Variants in RANBP17 observed in about 807,000 individuals in gnomAD.
RANBP17 encodes the protein ran-binding protein 17.
Under a neutral mutation model 141.2 loss-of-function variants are expected in RANBP17, and 158 were observed. That is an observed-to-expected ratio of 1.12 (90% CI 0.98 to 1.28). RANBP17 has a LOEUF of 1.28. Among genes scored for constraint, RANBP17 ranks in the 50% most tolerant of loss-of-function variants. RANBP17 has a pLI of 0.00. For synonymous variants in RANBP17, 430 were observed against 450.0 expected, an observed-to-expected ratio of 0.96 and a Z score of 0.56; for missense variants, 1,438 against 1,290.7, an observed-to-expected ratio of 1.11 and a Z score of -1.75.
At chr5:171,022,446 C>T (rs1780933291) in intron 14 of RANBP17, among the ~76,000 whole-genome samples, 1 of 152,238 alleles carries the variant, frequency 6.6e-6, no homozygotes, top group African/African-American at 2.4e-5. Context: ...CCGCTAGGGG[C>T]TCAGGCCCAG....
chr5:171,067,800 A>C (rs1226380695), intron 14 of RANBP17, among the ~76,000 whole-genome samples: 1 of 151,986 alleles, frequency 6.6e-6, no homozygotes, highest in Non-Finnish European at 1.5e-5. Flanking sequence ...ATTCTTACTC[A>C]CTACTTTGAA....
At chr5:170,874,115 CG>C (rs1254692624) in intron 1 of RANBP17, among the ~76,000 whole-genome samples, 1 of 152,088 alleles carries the variant, frequency 6.6e-6, no homozygotes, top group African/African-American at 2.4e-5. Flanking sequence ...AGGAGTCATT[CG>C]GGAGCAAGGT....
chr5:171,193,900 A>G (rs1242737855), intron 18 of RANBP17, among the ~76,000 whole-genome samples: 1 of 152,230 alleles, frequency 6.6e-6, no homozygotes. Flanking sequence ...TACAGGTTCC[A>G]AGAATTAGAA....
chr5:171,013,775 A>G (rs1230011017), intron 14 of RANBP17, among the ~76,000 whole-genome samples: 5 of 152,148 alleles, frequency 3.3e-5, no homozygotes, highest in Non-Finnish European at 7.4e-5. Context: ...TTTTAGAATT[A>G]ACACATGCAT....
intron 13 of RANBP17, among the ~76,000 whole-genome samples, chr5:170,956,212 T>C (rs1775680036): frequency 6.6e-6 from 1 of 152,030 alleles, no homozygotes; most frequent in African/African-American, 2.4e-5. Flanking sequence ...TTTCATACTT[T>C]TCCATTGATC....
At chr5:171,082,337 T>C (rs1349537050) in intron 14 of RANBP17, among the ~76,000 whole-genome samples, 1 of 152,136 alleles carries the variant, frequency 6.6e-6, no homozygotes, top group African/African-American at 2.4e-5. Context: ...AGTTTTCAGG[T>C]ACATGAGGAT....
At chr5:170,964,471 T>C (rs918435581) in intron 13 of RANBP17, among the ~76,000 whole-genome samples, 1 of 152,134 alleles carries the variant, frequency 6.6e-6, no homozygotes, top group African/African-American at 2.4e-5. Flanking sequence ...TATGTATACA[T>C]GTACCATGCT....
chr5:171,226,485 T>A (rs1763885716), intron 22 of RANBP17, among the ~76,000 whole-genome samples: 1 of 152,212 alleles, frequency 6.6e-6, no homozygotes, highest in African/African-American at 2.4e-5. Context: ...TACATCAGGA[T>A]CCTTTTAAGC....
intron 14 of RANBP17, among the ~76,000 whole-genome samples, chr5:170,979,012 G>A (rs1240298780): frequency 1.3e-5 from 2 of 152,014 alleles, no homozygotes; most frequent in Admixed American, 1.3e-4. Context: ...GTTTATTTTT[G>A]GGTAACTCTA....
chr5:171,140,034 A>G (rs953273836), intron 14 of RANBP17, among the ~76,000 whole-genome samples: 4 of 152,178 alleles, frequency 2.6e-5, no homozygotes, highest in Non-Finnish European at 5.9e-5. Flanking sequence ...TTCTTCAGTC[A>G]GGAACATTCT....
At chr5:171,097,319 A>G (rs1326505871) in intron 14 of RANBP17, among the ~76,000 whole-genome samples, 2 of 152,112 alleles carry the variant, frequency 1.3e-5, no homozygotes, top group African/African-American at 4.8e-5. Flanking sequence ...GTGGTCACTG[A>G]GTGCTTCTTA....
At chr5:171,157,621 T>G (rs1383839090) in intron 14 of RANBP17, among the ~76,000 whole-genome samples, 1 of 152,222 alleles carries the variant, frequency 6.6e-6, no homozygotes. Flanking sequence ...TGAATTGCCT[T>G]AGAAAATAAT....
intron 13 of RANBP17, among the ~76,000 whole-genome samples, chr5:170,966,925 G>A (rs901469274): frequency 6.6e-6 from 1 of 152,088 alleles, no homozygotes. Context: ...TCCAAATCAT[G>A]AGTGAACTCC....
chr5:170,964,066 T>C (rs933779258), intron 13 of RANBP17, among the ~76,000 whole-genome samples: 4 of 152,210 alleles, frequency 2.6e-5, no homozygotes, highest in Admixed American at 6.5e-5. Context: ...CCAGAAATTC[T>C]AATTTTCTGT....
At chr5:171,095,481 G>T (rs948954119) in intron 14 of RANBP17, among the ~76,000 whole-genome samples, 2 of 152,084 alleles carry the variant, frequency 1.3e-5, no homozygotes, top group Non-Finnish European at 2.9e-5. Flanking sequence ...CTACGGTAAA[G>T]AAATCAAATA....
chr5:171,030,198 G>T (rs542125547), intron 14 of RANBP17, among the ~76,000 whole-genome samples: 18 of 152,166 alleles, frequency 1.2e-4, no homozygotes, highest in African/African-American at 4.1e-4. Context: ...TTGGCTTCTT[G>T]AGATACATTG....
chr5:170,903,631 C>T (rs1770841032), intron 5 of RANBP17: 1 of 257,326 alleles, frequency 3.9e-6, no homozygotes, highest in Non-Finnish European at 8.4e-6. Flanking sequence ...AACTTGACCT[C>T]ATAATGGCAT....
chr5:170,932,578 G>T (rs1206386372), intron 12 of RANBP17, among the ~76,000 whole-genome samples: 2 of 151,936 alleles, frequency 1.3e-5, no homozygotes, highest in African/African-American at 4.8e-5. Context: ...TTTGAGATAT[G>T]TCCCATCAAT....
At chr5:170,870,932 A>G (rs1767668274) in intron 1 of RANBP17, among the ~76,000 whole-genome samples, 1 of 152,178 alleles carries the variant, frequency 6.6e-6, no homozygotes, top group African/African-American at 2.4e-5. Flanking sequence ...GTGAAATGGT[A>G]TCTGGTTGTG....
Sources: allele counts gnomAD v4.1 joint callset (sites outside exome capture counted in the v4.1 genomes callset), GRCh38; gene constraint gnomAD v4.1.1; transcripts MANE v1.5; gene names NCBI Gene and HGNC (gene_info 2026-07-23, HGNC 2026-07-21).